The following CALN1 variants were observed in gnomAD, a reference collection of about 807,000 sequenced individuals.
The protein encoded by CALN1 is calcium-binding protein 8.
A neutral mutation model predicts 30.6 loss-of-function variants in CALN1; 17 were observed. The observed-to-expected ratio is 0.56, with a 90% CI of 0.38 to 0.83. The LOEUF (loss-of-function observed/expected upper bound fraction) is 0.83, where lower values mean the gene tolerates loss of function less well. Ranked by LOEUF, CALN1 falls within the 40% of genes least tolerant of loss-of-function variation. The probability of loss-of-function intolerance (pLI) is 0.00; values close to 1 mark genes in which losing one functional copy is unlikely to be tolerated. For synonymous variants in CALN1, 156 were observed against 131.4 expected, an observed-to-expected ratio of 1.19 and a Z score of -1.28; for missense variants, 291 against 354.9, an observed-to-expected ratio of 0.82 and a Z score of 1.45.
intron 4 of CALN1, among the ~76,000 whole-genome samples, chr7:72,078,579 A>G (rs1804904850): frequency 1.3e-5 from 2 of 152,162 alleles, no homozygotes; most frequent in Non-Finnish European, 2.9e-5. Context: ...CAGATTGTCG[A>G]GCAACTCTAC....
chr7:72,165,607 C>T (rs1054776796), intron 3 of CALN1, among the ~76,000 whole-genome samples: 1 of 151,914 alleles, frequency 6.6e-6, no homozygotes, highest in African/African-American at 2.4e-5. Flanking sequence ...AACAAACAAA[C>T]AAACAAGCAA....
intron 3 of CALN1, among the ~76,000 whole-genome samples, chr7:72,245,711 C>T (rs1019310810): frequency 6.6e-6 from 1 of 152,198 alleles, no homozygotes; most frequent in African/African-American, 2.4e-5. Context: ...AGACATCACA[C>T]CATTGGCTAG....
At chr7:71,856,422 G>T (rs191122179) in intron 5 of CALN1, among the ~76,000 whole-genome samples, 1 of 151,986 alleles carries the variant, frequency 6.6e-6, no homozygotes, top group African/African-American at 2.4e-5. Context: ...TCCAGTAGCT[G>T]CAACTACAGG....
chr7:72,274,938 G>A (rs1318215600), intron 3 of CALN1, among the ~76,000 whole-genome samples: 1 of 152,104 alleles, frequency 6.6e-6, no homozygotes, highest in African/African-American at 2.4e-5. Flanking sequence ...TTCCCAGAAG[G>A]GAATTGCAGC....
Position 71,785,610 on chromosome 7 carries a change from C to T in CALN1, c.*2165G>A, listed in dbSNP as rs1042249423. Reference sequence around the variant, plus strand: ...CCCCTATGGATGTGGTTGGGTGGTTCGGGGGTCAGGGAAAAACAGGAAAGT... The same window carrying T: ...CCCCTATGGATGTGGTTGGGTGGTTTGGGGGTCAGGGAAAAACAGGAAAGT... On this transcript the variant is annotated 3_prime_UTR_variant, in exon 7 of 7. Coordinates refer to ENST00000395275, the MANE Select transcript of CALN1 (RefSeq NM_031468.4). 3.3e-5 allele frequency: 5 copies of T among 152,140 alleles called. No homozygotes were observed. The highest frequency in any genetic ancestry group is 7.3e-5 in the Non-Finnish European group (5 of 68,080). The allele number at this position is 152,140 out of a possible 1,614,324, so 9.4% of individuals were successfully genotyped here.
At chr7:72,271,575 A>AAAAAAAATATATATATAT in intron 3 of CALN1, among the ~76,000 whole-genome samples, 3 of 52,122 alleles carry the variant, frequency 5.8e-5, no homozygotes, top group African/African-American at 2.7e-4. Flanking sequence ...AAAAAAAAAA[A>AAAAAAAATATATATATAT]ATATATATAT....
chr7:72,012,607 T>C, intron 5 of CALN1, among the ~76,000 whole-genome samples: 1 of 152,234 alleles, frequency 6.6e-6, no homozygotes, highest in East Asian at 1.9e-4. Flanking sequence ...GTTTTCAGCA[T>C]ATTAACTGGA....
intron 2 of CALN1, among the ~76,000 whole-genome samples, chr7:72,296,673 A>G: frequency 7.0e-6 from 1 of 143,574 alleles, no homozygotes. Context: ...GTATTCTCTG[A>G]TGGTAGTTTG....
At chr7:72,415,775 C>T (rs1195312281), upstream of CALN1, among the ~76,000 whole-genome samples, 2 of 152,068 alleles carry the variant, frequency 1.3e-5, no homozygotes, top group South Asian at 2.1e-4. Flanking sequence ...GGCAGAGGCC[C>T]GTGAGGGTAC....
intron 1 of CALN1, among the ~76,000 whole-genome samples, chr7:72,406,098 G>A (rs766549538): frequency 6.6e-6 from 1 of 152,194 alleles, no homozygotes; most frequent in Admixed American, 6.5e-5. Context: ...CTCGCGATGT[G>A]CCAGAGAAAC....
intron 3 of CALN1, among the ~76,000 whole-genome samples, chr7:72,271,575 A>AAAAAAAAAAAAAAAAAT: frequency 3.8e-5 from 2 of 52,132 alleles, no homozygotes; most frequent in African/African-American, 1.3e-4. Context: ...AAAAAAAAAA[A>AAAAAAAAAAAAAAAAAT]ATATATATAT....
At chr7:71,866,788 A>AG (rs1345029621) in intron 5 of CALN1, among the ~76,000 whole-genome samples, 1 of 152,186 alleles carries the variant, frequency 6.6e-6, no homozygotes, top group African/African-American at 2.4e-5. Context: ...GTTATGAAAT[A>AG]GGGGGAGAAA....
At chr7:71,913,488 A>G (rs956506326) in intron 5 of CALN1, among the ~76,000 whole-genome samples, 1 of 152,216 alleles carries the variant, frequency 6.6e-6, no homozygotes, top group Non-Finnish European at 1.5e-5. Context: ...CTCTCTATGT[A>G]TAAGAAAGAA....
At chr7:71,982,543 A>G (rs1188873856) in intron 5 of CALN1, among the ~76,000 whole-genome samples, 2 of 152,206 alleles carry the variant, frequency 1.3e-5, no homozygotes, top group Non-Finnish European at 2.9e-5. Context: ...GCAGTGAGTC[A>G]AGATCACGCC....
At chr7:72,071,467 T>G (rs1475306034) in intron 4 of CALN1, among the ~76,000 whole-genome samples, 1 of 151,882 alleles carries the variant, frequency 6.6e-6, no homozygotes, top group African/African-American at 2.4e-5. Context: ...AAGACTAAGA[T>G]ATTTAAAAGC....
At chr7:72,084,070 A>G (rs1043836926) in intron 4 of CALN1, among the ~76,000 whole-genome samples, 1 of 151,900 alleles carries the variant, frequency 6.6e-6, no homozygotes, top group African/African-American at 2.4e-5. Flanking sequence ...TTAGCTGGGC[A>G]TGGTGGTGTG....
chr7:72,226,757 A>T (rs113510590), intron 3 of CALN1, among the ~76,000 whole-genome samples: 5 of 152,200 alleles, frequency 3.3e-5, no homozygotes, highest in African/African-American at 1.2e-4. Context: ...AATGGGAACC[A>T]TAAGTCTGGC....
intron 3 of CALN1, among the ~76,000 whole-genome samples, chr7:72,119,947 T>C (rs1808262032): frequency 6.6e-6 from 1 of 152,186 alleles, no homozygotes; most frequent in South Asian, 2.1e-4. Context: ...CATGTAGTTT[T>C]TTAAAAGTAA....
intron 2 of CALN1, among the ~76,000 whole-genome samples, chr7:72,298,254 G>A (rs1342730695): frequency 6.6e-6 from 1 of 152,138 alleles, no homozygotes; most frequent in Non-Finnish European, 1.5e-5. Flanking sequence ...ATTTGTGTTT[G>A]ACAATTCACT....
Sources: allele counts gnomAD v4.1 joint callset (sites outside exome capture counted in the v4.1 genomes callset), GRCh38; gene constraint gnomAD v4.1.1; transcripts MANE v1.5; gene names NCBI Gene and HGNC (gene_info 2026-07-23, HGNC 2026-07-21).